Variants in LRRC37A2 observed in about 807,000 individuals in gnomAD.
LRRC37A2 encodes the protein leucine rich repeat containing 37 member A2.
A neutral mutation model predicts 68.8 loss-of-function variants in LRRC37A2; 9 were observed. The ratio of observed to expected loss-of-function variants is 0.13; its 90% confidence interval spans 0.08 to 0.23. The LOEUF (loss-of-function observed/expected upper bound fraction) is 0.23, where lower values mean the gene tolerates loss of function less well. LRRC37A2 is among the 10% of genes least tolerant of loss of function. The probability of loss-of-function intolerance (pLI) is 1.00; values close to 1 mark genes in which losing one functional copy is unlikely to be tolerated. For missense variants in LRRC37A2, 168 were observed against 950.4 expected, an observed-to-expected ratio of 0.18 and a Z score of 10.82; for synonymous variants, 63 against 367.6, an observed-to-expected ratio of 0.17 and a Z score of 9.48.
the LRRC37A2 span, chr17:46,935,779 C>G: frequency 1.0e-6 from 1 of 984,360 alleles, no homozygotes; most frequent in Non-Finnish European, 1.2e-6. Flanking sequence ...AGACTCCAGC[C>G]CCTGGGAGTG....
chr17:46,864,024 C>A, the LRRC37A2 span, among the ~76,000 whole-genome samples: 1 of 152,202 alleles, frequency 6.6e-6, no homozygotes, highest in Non-Finnish European at 1.5e-5. Flanking sequence ...CCTGTGCAAA[C>A]AATGGCACTG....
At chr17:46,966,388 C>A in the LRRC37A2 span, 2 of 551,836 alleles carry the variant, frequency 3.6e-6, 1 homozygote, top group South Asian at 4.9e-5. Flanking sequence ...CTCTTCAAGG[C>A]CCTCAGATAC....
chr17:46,678,472 G>T, the LRRC37A2 span, among the ~76,000 whole-genome samples: 1 of 149,120 alleles, frequency 6.7e-6, no homozygotes. Flanking sequence ...AGAATGAAAG[G>T]AATTAAGAGA....
At chr17:46,534,891 G>C (rs1339814057) in intron 6 of LRRC37A2, among the ~76,000 whole-genome samples, 1 of 149,680 alleles carries the variant, frequency 6.7e-6, no homozygotes, top group East Asian at 1.9e-4. Context: ...TCTCAGACGG[G>C]GCGGCTGCTG....
chr17:46,496,649 T>A, the LRRC37A2 span, among the ~76,000 whole-genome samples: 1 of 127,830 alleles, frequency 7.8e-6, no homozygotes, highest in Non-Finnish European at 1.6e-5. Context: ...GTGCAGTGGC[T>A]CATGCCTGTA....
chr17:46,829,765 AG>A, the LRRC37A2 span, among the ~76,000 whole-genome samples: 1 of 100,990 alleles, frequency 9.9e-6, no homozygotes, highest in Non-Finnish European at 2.0e-5. Context: ...TTGGGATGGG[AG>A]TAGGGGGTGG....
the LRRC37A2 span, chr17:47,019,170 C>T: frequency 1.0e-4 from 140 of 1,364,784 alleles, 1 homozygote; most frequent in Non-Finnish European, 1.4e-4. Context: ...ACACCTGACT[C>T]GAGCCACAGT....
chr17:46,876,706 C>T, the LRRC37A2 span: 2 of 1,551,920 alleles, frequency 1.3e-6, no homozygotes. Context: ...TTGTGTACAC[C>T]TGCAAGCACT....
At chr17:46,971,736 C>T in the LRRC37A2 span, among the ~76,000 whole-genome samples, 2,005 of 152,308 alleles carry the variant, frequency 0.013, 47 homozygotes, top group African/African-American at 0.046. Context: ...TGCACCCCGA[C>T]CTGCCTGTAT....
At chr17:46,657,432 G>A in the LRRC37A2 span, among the ~76,000 whole-genome samples, 1 of 152,104 alleles carries the variant, frequency 6.6e-6, no homozygotes, top group African/African-American at 2.4e-5. Context: ...ATTTGTCATT[G>A]AATGGCTGTG....
the LRRC37A2 span, among the ~76,000 whole-genome samples, chr17:46,766,237 G>T: frequency 6.6e-6 from 1 of 152,002 alleles, no homozygotes; most frequent in Non-Finnish European, 1.5e-5. Flanking sequence ...GGCGAAACCC[G>T]TCTCTACTAA....
the LRRC37A2 span, chr17:46,936,190 C>T: frequency 1.0e-6 from 1 of 985,512 alleles, no homozygotes; most frequent in African/African-American, 1.7e-5. Context: ...CCTGCAGTGA[C>T]CTGAACTGAT....
the LRRC37A2 span, among the ~76,000 whole-genome samples, chr17:46,846,796 A>G: frequency 3.9e-5 from 6 of 152,294 alleles, no homozygotes; most frequent in South Asian, 6.2e-4. Flanking sequence ...AGAGGGAGGG[A>G]GGGAGGAACA....
At chr17:46,930,802 A>G in the LRRC37A2 span, 3 of 338,000 alleles carry the variant, frequency 8.9e-6, no homozygotes, top group African/African-American at 2.1e-5. Flanking sequence ...TATTTGGACA[A>G]CCTTTGCATG....
the LRRC37A2 span, among the ~76,000 whole-genome samples, chr17:46,816,506 CACACACACACCT>C: frequency 7.1e-6 from 1 of 140,070 alleles, no homozygotes; most frequent in Non-Finnish European, 1.6e-5. Context: ...CACACACACA[CACACACACACCT>C]CTCTCCTTGG....
At chr17:46,708,261 A>G in the LRRC37A2 span, among the ~76,000 whole-genome samples, 1 of 151,992 alleles carries the variant, frequency 6.6e-6, no homozygotes, top group Non-Finnish European at 1.5e-5. Flanking sequence ...TTTTTGAGGG[A>G]CCACCATACC....
chr17:46,992,408 G>T, the LRRC37A2 span, among the ~76,000 whole-genome samples: 1 of 152,230 alleles, frequency 6.6e-6, no homozygotes, highest in Non-Finnish European at 1.5e-5. Context: ...GTTAGGTTTG[G>T]CTGCGTACTG....
At chr17:47,029,273 C>T in the LRRC37A2 span, among the ~76,000 whole-genome samples, 2 of 151,516 alleles carry the variant, frequency 1.3e-5, no homozygotes, top group Non-Finnish European at 2.9e-5. Context: ...TTATGTTAAG[C>T]TATTGTGCAA....
At chr17:47,036,660 G>T in the LRRC37A2 span, among the ~76,000 whole-genome samples, 2 of 149,854 alleles carry the variant, frequency 1.3e-5, no homozygotes, top group Admixed American at 6.7e-5. Context: ...AAATGTGAGG[G>T]TTTATTTCTG....
Sources: gnomAD v4.1 joint callset for allele counts (sites outside exome capture counted in the v4.1 genomes callset) on GRCh38, gnomAD v4.1.1 for gene constraint, MANE v1.5 for transcripts, NCBI Gene and HGNC (gene_info 2026-07-23, HGNC 2026-07-21) for gene names.